ATP6V1H: variants seen among roughly 807,000 people sequenced by gnomAD.
The protein encoded by ATP6V1H is V-type proton ATPase subunit H.
A neutral mutation model predicts 71.7 loss-of-function variants in ATP6V1H; 39 were observed. The ratio of observed to expected loss-of-function variants is 0.54; its 90% CI spans 0.42 to 0.71. The LOEUF is 0.71. Among genes scored for constraint, ATP6V1H ranks in the 30% least tolerant of loss-of-function variants. ATP6V1H has a pLI of 0.00. For synonymous variants in ATP6V1H, 192 were observed against 199.3 expected (o/e 0.96, Z 0.31); for missense variants, 509 against 594.9 (o/e 0.86, Z 1.50).
intron 9 of ATP6V1H, among the ~76,000 whole-genome samples, chr8:53,783,068 G>A: frequency 6.6e-6 from 1 of 152,108 alleles, no homozygotes. Context: ...AAATGAGTTA[G>A]GGAGGATTCC....
chr8:53,786,211 G>A (rs577432788), intron 9 of ATP6V1H, among the ~76,000 whole-genome samples: 14 of 152,182 alleles, frequency 9.2e-5, no homozygotes, highest in African/African-American at 1.2e-4. Flanking sequence ...AGGCCGCTTC[G>A]TTTACCTACT....
At chr8:53,740,000 G>A (rs1234666438) in intron 13 of ATP6V1H, among the ~76,000 whole-genome samples, 1 of 152,146 alleles carries the variant, frequency 6.6e-6, no homozygotes, top group Non-Finnish European at 1.5e-5. Context: ...GATGTGATGT[G>A]GAAGGGGAGA....
At chr8:53,796,923 A>G (rs955873953) in intron 8 of ATP6V1H, among the ~76,000 whole-genome samples, 1 of 152,164 alleles carries the variant, frequency 6.6e-6, no homozygotes, top group Admixed American at 6.5e-5. Context: ...TCATTTCTTC[A>G]TTTGTATGAT....
intron 4 of ATP6V1H, among the ~76,000 whole-genome samples, chr8:53,827,600 T>C (rs1353530238): frequency 2.0e-5 from 3 of 152,106 alleles, no homozygotes; most frequent in Admixed American, 1.3e-4. Flanking sequence ...TTTTTGTGTG[T>C]ATGTGTTTTT....
At chr8:53,775,990 A>ACGGAGG (rs1350762713) in intron 9 of ATP6V1H, among the ~76,000 whole-genome samples, 2 of 152,308 alleles carry the variant, frequency 1.3e-5, no homozygotes, top group Non-Finnish European at 2.9e-5. Flanking sequence ...ACAGGAACCC[A>ACGGAGG]CGGAGGCGGG....
intron 12 of ATP6V1H, among the ~76,000 whole-genome samples, chr8:53,751,494 G>C (rs752090255): frequency 3.9e-5 from 6 of 152,158 alleles, no homozygotes; most frequent in Non-Finnish European, 7.3e-5. Context: ...GGAAGGAATA[G>C]GGAGTATAAA....
Position 53,715,638 on chromosome 8 carries a change from T to C in ATP6V1H, c.*326A>G, listed in dbSNP as rs1806396728. The C allele has an allele frequency of 4.2e-6, 1 of 237,400 alleles. No individual in the cohort carries two copies. Among genetic ancestry groups the C allele is most frequent in the Middle Eastern group, 1.3e-3 (1 of 800 alleles). The allele number at this position is 237,400 out of a possible 1,614,324, so 14.7% of individuals were successfully genotyped here. A position where few individuals can be genotyped will look rare whatever the true frequency, so the allele number is the denominator to read the frequency against. ...TTGAAAAGAGACAACAGTTGACTTT[T>C]GTTCAAAGTCCAAGTAAAGAGAGAG... On this transcript the variant is annotated 3_prime_UTR_variant, in exon 14 of 14. Transcript: ENST00000359530.
At chr8:53,826,852 AG>A (rs1810836738) in intron 4 of ATP6V1H, among the ~76,000 whole-genome samples, 1 of 151,792 alleles carries the variant, frequency 6.6e-6, no homozygotes, top group South Asian at 2.1e-4. Flanking sequence ...CTCTGGAGGC[AG>A]AGGCAGGAGA....
intron 12 of ATP6V1H, among the ~76,000 whole-genome samples, chr8:53,754,057 T>C (rs1030332481): frequency 6.6e-6 from 1 of 152,106 alleles, no homozygotes; most frequent in Non-Finnish European, 1.5e-5. Context: ...CCCTGCACAC[T>C]GCGCATAAGA....
intron 12 of ATP6V1H, chr8:53,756,187 C>T (rs1243326934): frequency 6.6e-6 from 1 of 150,912 alleles, no homozygotes; most frequent in Non-Finnish European, 1.5e-5. Flanking sequence ...TCTTCTGCCT[C>T]AGCCTCCTGA....
intron 11 of ATP6V1H, among the ~76,000 whole-genome samples, chr8:53,760,989 GACAA>G (rs1167024613): frequency 2.0e-5 from 3 of 152,064 alleles, no homozygotes; most frequent in Admixed American, 1.3e-4. Context: ...AAAAACTAAA[GACAA>G]ACAAACAATA....
At chr8:53,787,268 G>A (rs1414749135) in intron 9 of ATP6V1H, among the ~76,000 whole-genome samples, 7 of 152,212 alleles carry the variant, frequency 4.6e-5, no homozygotes, top group African/African-American at 1.2e-4. Flanking sequence ...AGGCAAAGAC[G>A]TTGAGGCAGA....
intron 2 of ATP6V1H, among the ~76,000 whole-genome samples, chr8:53,838,398 C>T (rs928569463): frequency 6.6e-6 from 1 of 152,144 alleles, no homozygotes; most frequent in South Asian, 2.1e-4. Context: ...GGATTACAGG[C>T]GTGAGCCACC....
intron 9 of ATP6V1H, among the ~76,000 whole-genome samples, chr8:53,783,661 T>A (rs1393104039): frequency 6.6e-6 from 1 of 152,250 alleles, no homozygotes; most frequent in Non-Finnish European, 1.5e-5. Flanking sequence ...TCTTTCCTGC[T>A]TTCTCTTGTG....
In ATP6V1H at chr8:53,756,602, A is replaced by G. The variant is rs752025246; in HGVS notation, c.1230T>C (p.Ala410=). 6.2e-7 allele frequency: 1 copy of G among 1,614,172 alleles called. No homozygotes were observed. Among genetic ancestry groups the G allele is most frequent in the South Asian group, 1.1e-5 (1 of 91,084 alleles). ...VSDDPQVLAV[A]AHDVGEYVRH... is the part of the protein sequence containing the mutation. ...GCACATATTCTCCAACATCGTGAGC[A>G]GCAACAGCTAAGACTTGGGGATCAT... is the stretch of plus-strand genomic sequence containing the variant. The change falls in exon 12 of 14, where the codon GCT becomes GCC. Residue 410 remains alanine, a synonymous_variant. Coordinates refer to ENST00000359530, the MANE Select transcript of ATP6V1H (RefSeq NM_015941.4).
At chr8:53,779,964 G>A (rs559646610) in intron 9 of ATP6V1H, among the ~76,000 whole-genome samples, 1 of 152,154 alleles carries the variant, frequency 6.6e-6, no homozygotes, top group African/African-American at 2.4e-5. Context: ...TTCTAGACCA[G>A]CCTGGCCAAC....
intron 11 of ATP6V1H, among the ~76,000 whole-genome samples, chr8:53,757,210 T>C (rs1808098446): frequency 6.6e-6 from 1 of 152,158 alleles, no homozygotes; most frequent in African/African-American, 2.4e-5. Context: ...TCTGGTACTT[T>C]CTCCAATACA....
At chr8:53,754,344 G>A (rs1807915586) in intron 12 of ATP6V1H, among the ~76,000 whole-genome samples, 1 of 152,152 alleles carries the variant, frequency 6.6e-6, no homozygotes, top group Non-Finnish European at 1.5e-5. Flanking sequence ...GGGTGGTTCT[G>A]ATGAATCTGG....
intron 13 of ATP6V1H, among the ~76,000 whole-genome samples, chr8:53,734,612 T>A (rs893097790): frequency 3.3e-5 from 5 of 151,978 alleles, no homozygotes; most frequent in Non-Finnish European, 7.4e-5. Context: ...GGAAAAAACA[T>A]AAAACATCAG....
Sources: gnomAD v4.1 joint callset for allele counts (sites outside exome capture counted in the v4.1 genomes callset) on GRCh38, gnomAD v4.1.1 for gene constraint, MANE v1.5 for transcripts, NCBI Gene and HGNC (gene_info 2026-07-23, HGNC 2026-07-21) for gene names.